Variants in ERP29 observed in about 807,000 individuals in gnomAD.
ERP29 encodes the protein endoplasmic reticulum resident protein 29.
Under a neutral mutation model 21.7 loss-of-function variants are expected in ERP29, and 14 were observed. The ratio of observed to expected loss-of-function variants is 0.64; its 90% confidence interval spans 0.43 to 1.01. The LOEUF (loss-of-function observed/expected upper bound fraction) is 1.01, where lower values mean the gene tolerates loss of function less well. Among genes scored for constraint, ERP29 ranks in the 50% least tolerant of loss-of-function variants. The pLI, the probability that ERP29 is intolerant of heterozygous loss-of-function variation, is 0.00. For missense variants in ERP29, 286 were observed against 327.3 expected, an observed-to-expected ratio of 0.87 and a Z score of 0.97; for synonymous variants, 129 against 139.1, an observed-to-expected ratio of 0.93 and a Z score of 0.51.
chr12:112,015,734 C>G (rs1225687948), intron 1 of ERP29, among the ~76,000 whole-genome samples: 1 of 152,218 alleles, frequency 6.6e-6, no homozygotes, highest in African/African-American at 2.4e-5. Flanking sequence ...AGCCTCTTCT[C>G]TGGTCTCCCT....
Position 112,013,585 on chromosome 12 carries a change from C to T in ERP29, c.120C>T (p.Pro40=). The T allele has an allele frequency of 6.2e-7, 1 of 1,604,920 alleles. No individual in the cohort carries two copies. The highest frequency in any genetic ancestry group is 1.1e-5 in the South Asian group (1 of 90,416). The part of the protein sequence containing the change: ...GSGLHTKGAL[P]LDTVTFYKVI... ...GCCTGCACACCAAGGGCGCCCTTCC[C>T]CTGGATACGGTCACTTTCTACAAGG... Residue 40 remains proline, a synonymous_variant, in exon 1 of 3, where the codon CCC becomes CCT. Transcript: ENST00000261735.
rs1352771033 is a variant in ERP29, at chr12:112,022,162, A to G, written c.296A>G (p.Lys99Arg). The G allele has an allele frequency of 6.8e-6, 11 of 1,614,110 alleles. No individual in the cohort carries two copies. The East Asian group carries it at 8.9e-5, about 13-fold the overall frequency. ...TTTCTGCTCACAGATTATGGTGACA[A>G]GCTGAACATGGAGCTGAGTGAGAAA... ...AEVGISDYGD[K>R]LNMELSEKYK... is the part of the protein sequence containing the mutation. Residue 99 changes from lysine to arginine, a missense_variant, in exon 3 of 3, where the codon AAG becomes AGG. Transcript: ENST00000261735.
chr12:112,019,540 G>A, intron 1 of ERP29: 1 of 596,950 alleles, frequency 1.7e-6, no homozygotes, highest in South Asian at 1.8e-5. Flanking sequence ...TCTTTGATTA[G>A]TGTGAACAGG....
At chr12:112,015,526 T>G (rs2078006445) in intron 1 of ERP29, among the ~76,000 whole-genome samples, 1 of 151,156 alleles carries the variant, frequency 6.6e-6, no homozygotes, top group African/African-American at 2.4e-5. Context: ...GCTGATTGGT[T>G]GTCAGGCATG....
intron 2 of ERP29, among the ~76,000 whole-genome samples, chr12:112,020,664 G>A (rs2078040057): frequency 6.6e-6 from 1 of 152,110 alleles, no homozygotes; most frequent in Non-Finnish European, 1.5e-5. Flanking sequence ...AGAGATAGCT[G>A]GCACACCTCT....
chr12:112,013,665 C>T (rs1261698226), intron 1 of ERP29, 56 bp downstream of exon 1: 6 of 1,483,692 alleles, frequency 4.0e-6, no homozygotes, highest in Middle Eastern at 2.0e-4. Context: ...CGGAAGAGCG[C>T]GCGCCCGTGG....
Position 112,013,457 on chromosome 12 carries a change from C to G in ERP29, c.-9C>G. ...GCTTACCTACCTCCCTCTGCAGGAACCCGGCGATATGGCTGCCGCTGTGCC... is the reference window on the plus strand; with the variant it reads ...GCTTACCTACCTCCCTCTGCAGGAAGCCGGCGATATGGCTGCCGCTGTGCC... On this transcript the variant is annotated 5_prime_UTR_variant, in exon 1 of 3. Transcript: ENST00000261735. The G allele has an allele frequency of 6.2e-7, 1 of 1,607,890 alleles. No individual in the cohort carries two copies. The highest frequency in any genetic ancestry group is 8.5e-7 in the Non-Finnish European group (1 of 1,177,046).
Position 112,022,754 on chromosome 12 carries a change from AGTG to A in ERP29, c.*105_*107del, listed in dbSNP as rs1477329298. On this transcript the variant is annotated 3_prime_UTR_variant, in exon 3 of 3. Coordinates refer to ENST00000261735, the MANE Select transcript of ERP29 (RefSeq NM_006817.4). ...TGGAATATAAGGGGGTAGTGGGAAA[AGTG>A]GTACTAACCCACGATTCTGAGCCCT... 3 of 1,240,104 alleles carry A rather than the reference AGTG, an allele frequency of 2.4e-6. No homozygotes were observed. Among genetic ancestry groups the A allele is most frequent in the South Asian group, 1.5e-5 (1 of 68,770 alleles). The allele number at this position is 1,240,104 out of a possible 1,614,324, so 76.8% of individuals were successfully genotyped here. A position where few individuals can be genotyped will look rare whatever the true frequency, so the allele number is the denominator to read the frequency against.
In ERP29 at chr12:112,019,753, C is replaced by G. The variant is rs767925231; in HGVS notation, c.145-3C>G. 1.9e-6 allele frequency: 3 copies of G among 1,614,142 alleles called. No individual in the cohort carries two copies. Among genetic ancestry groups the G allele is most frequent in the Middle Eastern group, 1.6e-4 (1 of 6,062 alleles). Reference sequence around the variant, plus strand: ...CCACTTGCTCAGCTCTATACGCCCTCAGGTCATTCCCAAAAGCAAGTTCGT... The same window carrying G: ...CCACTTGCTCAGCTCTATACGCCCTGAGGTCATTCCCAAAAGCAAGTTCGT... On this transcript the variant is annotated splice_polypyrimidine_tract_variant and splice_region_variant and intron_variant, in intron 1 of 2. Transcript: ENST00000261735.
chr12:112,018,396 G>A (rs181394841), intron 1 of ERP29, among the ~76,000 whole-genome samples: 4 of 151,982 alleles, frequency 2.6e-5, no homozygotes, highest in East Asian at 1.9e-4. Context: ...CTTCAGCCCC[G>A]CAAAGTGTTG....
At chr12:112,018,368 C>T (rs1012513963) in intron 1 of ERP29, among the ~76,000 whole-genome samples, 7 of 151,906 alleles carry the variant, frequency 4.6e-5, no homozygotes, top group African/African-American at 1.7e-4. Flanking sequence ...GAACTTCTAG[C>T]CTCACGTGAT....
intron 1 of ERP29, among the ~76,000 whole-genome samples, 157 bp downstream of exon 1, chr12:112,013,766 G>T (rs769066543): frequency 2.6e-5 from 4 of 152,240 alleles, no homozygotes; most frequent in African/African-American, 7.2e-5. Context: ...TGGACTCTGA[G>T]CGGAGAATGT....
At chr12:112,013,810 G>A (rs1407116354) in intron 1 of ERP29, among the ~76,000 whole-genome samples, 1 of 152,248 alleles carries the variant, frequency 6.6e-6, no homozygotes, top group African/African-American at 2.4e-5. Flanking sequence ...TCAGGGCCCC[G>A]GCGCACCCTT....
At chr12:112,013,701 C>A in intron 1 of ERP29, 92 bp downstream of exon 1, 1 of 1,357,060 alleles carries the variant, frequency 7.4e-7, no homozygotes, top group Non-Finnish European at 9.9e-7. Context: ...CGGGAGCTGA[C>A]GGGAGGTGGT....
At position 112,013,566 on chromosome 12, in the gene ERP29, A is replaced by C. The variant is rs774322037; in HGVS notation, c.101A>C (p.His34Pro). The change falls in exon 1 of 3, where the codon CAC becomes CCC. Residue 34 changes from histidine (H) to proline (P), a missense_variant. By Grantham distance (77) the His-to-Pro change is moderately conservative. Coordinates refer to ENST00000261735, the MANE Select transcript of ERP29 (RefSeq NM_006817.4). ...GCTCCGCATGGCGGCAGCGGCCTGC[A>C]CACCAAGGGCGCCCTTCCCCTGGAT... ...LSAPHGGSGL[H>P]TKGALPLDTV... The C allele has an allele frequency of 6.2e-7, 1 of 1,610,084 alleles. No individual in the cohort carries two copies. Among genetic ancestry groups the C allele is most frequent in the Non-Finnish European group, 8.5e-7 (1 of 1,178,350 alleles).
At chr12:112,013,743 C>T (rs2077963585) in intron 1 of ERP29, 134 bp downstream of exon 1, 1 of 961,756 alleles carries the variant, frequency 1.0e-6, no homozygotes, top group Non-Finnish European at 1.5e-6. Flanking sequence ...TTCCCGGCGT[C>T]CTACAGGCCT....
intron 2 of ERP29, among the ~76,000 whole-genome samples, chr12:112,021,513 G>GTTT (rs1565989409): frequency 1.1e-4 from 11 of 100,634 alleles, no homozygotes; most frequent in African/African-American, 5.6e-4. Context: ...GAGCTTAATA[G>GTTT]TCTTTTTTTT....
chr12:112,022,127 T>A (rs936315237), intron 2 of ERP29, 23 bp from the exon 3 acceptor site: 1 of 1,612,336 alleles, frequency 6.2e-7, no homozygotes. Flanking sequence ...GTCTTGCTTT[T>A]TGTGTCTGGT....
rs571846482 is a variant in ERP29, at chr12:112,014,039, C to G, written c.144+430C>G. On this transcript the variant is annotated intron_variant, in intron 1 of 2. Transcript: ENST00000261735. ...GCGGGGGGAAATGCAGGCGCGTTAGCCTGCGTGTCCGCGCCCCTCTTCCCA... is the reference window on the plus strand; with the variant it reads ...GCGGGGGGAAATGCAGGCGCGTTAGGCTGCGTGTCCGCGCCCCTCTTCCCA... Among the ~76,000 whole-genome samples, 9 of 152,334 alleles carry G rather than the reference C, an allele frequency of 5.9e-5. No homozygotes were observed. The South Asian group carries it at 1.7e-3, about 28-fold the overall frequency.
Sources: allele counts gnomAD v4.1 joint callset (sites outside exome capture counted in the v4.1 genomes callset), GRCh38; gene constraint gnomAD v4.1.1; transcripts MANE v1.5; gene names NCBI Gene and HGNC (gene_info 2026-07-23, HGNC 2026-07-21).